The following MCM2 variants were observed in gnomAD, a reference collection of about 807,000 sequenced individuals.
The protein encoded by MCM2 is minichromosome maintenance complex component 2.
A neutral mutation model predicts 86.4 loss-of-function variants in MCM2; 49 were observed. That is an observed-to-expected ratio of 0.57 (90% CI 0.45 to 0.72). MCM2 has a LOEUF of 0.72. Among genes scored for constraint, MCM2 ranks in the 30% least tolerant of loss-of-function variants. The pLI, the probability that MCM2 is intolerant of heterozygous loss-of-function variation, is 0.00. For missense variants in MCM2, 1,038 were observed against 1,259.9 expected, an observed-to-expected ratio of 0.82 and a Z score of 2.67; for synonymous variants, 475 against 484.6, an observed-to-expected ratio of 0.98 and a Z score of 0.26.
Position 127,606,930 on chromosome 3 carries a change from G to C in MCM2, c.1101+113G>C. ...CAGTGTGGGCAGCCGCAAGAAGCAAGATAGAATTGTGTGTTGGCCACACCC... is the reference window on the plus strand; with the variant it reads ...CAGTGTGGGCAGCCGCAAGAAGCAACATAGAATTGTGTGTTGGCCACACCC... On this transcript the variant is annotated intron_variant, in intron 6 of 15. Coordinates refer to ENST00000265056, the MANE Select transcript of MCM2 (RefSeq NM_004526.4). The surrounding 1 kb of genome is among the most constrained non-coding windows in gnomAD (Gnocchi z 4.2). 4 of 1,064,460 alleles carry C rather than the reference G, an allele frequency of 3.8e-6. No homozygotes were observed. The highest frequency in any genetic ancestry group is 5.6e-6 in the Non-Finnish European group (4 of 711,646). 65.9% of individuals were successfully genotyped at this position (1,064,460 alleles called of 1,614,324 possible).
Position 127,620,763 on chromosome 3 carries a change from C to A in MCM2, c.2331C>A (p.His777Gln), listed in dbSNP as rs1164165278. The A allele has an allele frequency of 1.2e-6, 2 of 1,614,014 alleles. No individual in the cohort carries two copies. Among genetic ancestry groups the A allele is most frequent in the South Asian group, 2.2e-5 (2 of 91,044 alleles). Residue 777 changes from histidine (H) to glutamine (Q), a missense_variant, in exon 14 of 16, where the codon CAC (histidine) becomes CAA (glutamine). Coordinates refer to ENST00000265056, the MANE Select transcript of MCM2 (RefSeq NM_004526.4). ...CCATGATCCGCATGGCGGAGGCCCACGCGCGCATCCATCTGCGGGACTATG... is the reference window on the plus strand; with the variant it reads ...CCATGATCCGCATGGCGGAGGCCCAAGCGCGCATCCATCTGCGGGACTATG... Reference protein sequence around the residue: ...IESMIRMAEAHARIHLRDYVI... With the variant: ...IESMIRMAEAQARIHLRDYVI...
Position 127,619,070 on chromosome 3 carries a change from A to T in MCM2, c.2057A>T (p.His686Leu), listed in dbSNP as rs1443012813. The change falls in exon 13 of 16, where the codon CAC (histidine) becomes CTC (leucine). Residue 686 changes from histidine (H) to leucine (L), a missense_variant. By Grantham distance (99) the His-to-Leu change is moderately conservative. Coordinates refer to ENST00000265056, the MANE Select transcript of MCM2 (RefSeq NM_004526.4). ...TTCGTGGTGGGCAGCCACGTCAGAC[A>T]CCACCCCAGCAACAAGGAGGAGGAG... The part of the protein sequence containing the change: ...ARFVVGSHVR[H>L]HPSNKEEEGL... 6.2e-7 allele frequency: 1 copy of T among 1,611,788 alleles called. No individual in the cohort carries two copies.
In MCM2 at chr3:127,617,246, C is replaced by T. The variant is rs1263179854; in HGVS notation, c.1774-33C>T. Reference sequence around the variant, plus strand: ...GGAGACTTAGTAGTAGGGGCGTGAACCATGCTAAGGGTGGGCCATTTTAAT... The same window carrying T: ...GGAGACTTAGTAGTAGGGGCGTGAATCATGCTAAGGGTGGGCCATTTTAAT... On this transcript the variant is annotated intron_variant, in intron 10 of 15. Transcript: ENST00000265056. The surrounding 1 kb of genome is among the most constrained non-coding windows in gnomAD (Gnocchi z 4.1). 6.2e-7 allele frequency: 1 copy of T among 1,613,196 alleles called. No homozygotes were observed. The highest frequency in any genetic ancestry group is 1.3e-5 in the African/African-American group (1 of 74,892).
Position 127,598,462 on chromosome 3 carries a change from CTGCTA to C in MCM2, c.-2_3del. The C allele has an allele frequency of 6.2e-7, 1 of 1,613,342 alleles. No individual in the cohort carries two copies. Among genetic ancestry groups the C allele is most frequent in the African/African-American group, 1.3e-5 (1 of 74,984 alleles). The stretch of plus-strand genomic sequence containing the variant: ...TGTAGTGGCGGAGAGGATCGTGGTA[CTGCTA>C]TGGCGGTGAGCGCGCTGGCGCGTGG... On this transcript the variant is annotated start_lost and 5_prime_UTR_variant, in exon 1 of 16. Coordinates refer to ENST00000265056, the MANE Select transcript of MCM2 (RefSeq NM_004526.4).
At position 127,620,898 on chromosome 3, in the gene MCM2, T is replaced by G; in HGVS notation, c.2448+18T>G. Reference sequence around the variant, plus strand: ...TGCGCAAGGTGGGTGTGCTCCGAGGTAGGGGCCTGATGGGCAAGCTCAGTG... The same window carrying G: ...TGCGCAAGGTGGGTGTGCTCCGAGGGAGGGGCCTGATGGGCAAGCTCAGTG... On this transcript the variant is annotated intron_variant, in intron 14 of 15. Coordinates refer to ENST00000265056, the MANE Select transcript of MCM2 (RefSeq NM_004526.4). The G allele has an allele frequency of 6.3e-7, 1 of 1,589,696 alleles. No individual in the cohort carries two copies. The highest frequency in any genetic ancestry group is 2.2e-5 in the East Asian group (1 of 44,488).
intron 8 of MCM2, among the ~76,000 whole-genome samples, chr3:127,613,681 A>G (rs1248507143): frequency 1.3e-5 from 2 of 152,228 alleles, no homozygotes; most frequent in African/African-American, 4.8e-5. Flanking sequence ...ATTTTAAAAC[A>G]TTGTTACAGA....
At chr3:127,611,859 C>T (rs964662112) in intron 8 of MCM2, among the ~76,000 whole-genome samples, 4 of 148,388 alleles carry the variant, frequency 2.7e-5, no homozygotes, top group Non-Finnish European at 4.4e-5. Context: ...CCACTACGCC[C>T]GGCTAATTTT....
intron 8 of MCM2, among the ~76,000 whole-genome samples, chr3:127,613,264 G>T (rs17497069): frequency 0.014 from 2,173 of 152,324 alleles, 58 homozygotes; most frequent in South Asian, 0.045. Context: ...ACGGGGAAAT[G>T]AGCTGGGTTA....
Position 127,619,185 on chromosome 3 carries a change from C to T in MCM2, c.2172C>T (p.Ile724=). The change falls in exon 13 of 16, where the codon ATC becomes ATT. Residue 724 remains isoleucine (I), a synonymous_variant. Coordinates refer to ENST00000265056, the MANE Select transcript of MCM2 (RefSeq NM_004526.4). ...PLPQEVLKKY[I]IYAKERVHPK... ...CCCAGGAGGTCCTGAAGAAGTACAT[C>T]ATCTACGCCAAGGAGAGGGTCCACC... 6.2e-7 allele frequency: 1 copy of T among 1,614,182 alleles called. No individual in the cohort carries two copies. The highest frequency in any genetic ancestry group is 8.5e-7 in the Non-Finnish European group (1 of 1,180,056).
At chr3:127,605,180 C>G in intron 4 of MCM2, 24 bp downstream of exon 4, 1 of 1,606,020 alleles carries the variant, frequency 6.2e-7, no homozygotes, top group Non-Finnish European at 8.5e-7. Context: ...ACGCCCCCGC[C>G]TCAGCCCCTG....
intron 6 of MCM2, among the ~76,000 whole-genome samples, chr3:127,607,645 G>C (rs2074361448): frequency 6.6e-6 from 1 of 152,232 alleles, no homozygotes; most frequent in Non-Finnish European, 1.5e-5. Context: ...CTAGGGACCT[G>C]AGATAGTACC....
intron 14 of MCM2, 45 bp downstream of exon 14, chr3:127,620,925 A>C (rs1454043841): frequency 5.1e-6 from 8 of 1,575,736 alleles, no homozygotes; most frequent in Non-Finnish European, 6.9e-6. Flanking sequence ...AGCTCAGTGA[A>C]GGAGGCCACA....
rs2074450781 is a variant in MCM2, at chr3:127,618,551, T to C, written c.2013+470T>C. On this transcript the variant is annotated intron_variant, in intron 12 of 15. Coordinates refer to ENST00000265056, the MANE Select transcript of MCM2 (RefSeq NM_004526.4). The surrounding 1 kb of genome is among the most constrained non-coding windows in gnomAD (Gnocchi z 4.0). The stretch of plus-strand genomic sequence containing the variant: ...TGCAGCTACCTCCTCCTCGCTCCCT[T>C]CCCTCACCTGCACCTGCACCTGCCC... 6.6e-6 allele frequency among the ~76,000 whole-genome samples: 1 copy of C among 152,008 alleles called. No homozygotes were observed. Among genetic ancestry groups the C allele is most frequent in the African/African-American group, 2.4e-5 (1 of 41,368 alleles).
At chr3:127,611,559 C>T (rs1226012678) in intron 8 of MCM2, among the ~76,000 whole-genome samples, 3 of 152,130 alleles carry the variant, frequency 2.0e-5, no homozygotes, top group African/African-American at 7.2e-5. Context: ...ACCCCGCTCC[C>T]GTGTCTTGAT....
intron 8 of MCM2, among the ~76,000 whole-genome samples, chr3:127,614,528 T>C (rs2074420090): frequency 6.6e-6 from 1 of 152,250 alleles, no homozygotes; most frequent in East Asian, 1.9e-4. Context: ...GGGTCATTTG[T>C]TCTGTTGAGC....
At position 127,604,940 on chromosome 3, in the gene MCM2, C is replaced by G. The variant is rs767309292; in HGVS notation, c.457C>G (p.Gln153Glu). The G allele has an allele frequency of 1.2e-6, 2 of 1,613,706 alleles. No homozygotes were observed. Among genetic ancestry groups the G allele is most frequent in the Admixed American group, 3.3e-5 (2 of 60,010 alleles). Residue 153 changes from glutamine to glutamate, a missense_variant, in exon 4 of 16, where the codon CAG becomes GAG. Transcript: ENST00000265056. Reference sequence around the variant, plus strand: ...GGAGCGCCCTGCCCGCAAGCGCCGCCAGGTGGAGCGGGCCACGGAGGACGG... The same window carrying G: ...GGAGCGCCCTGCCCGCAAGCGCCGCGAGGTGGAGCGGGCCACGGAGGACGG... Reference protein sequence around the residue: ...DEERPARKRRQVERATEDGEE... With the variant: ...DEERPARKRREVERATEDGEE...
chr3:127,600,463 G>T (rs142613832), intron 2 of MCM2, among the ~76,000 whole-genome samples: 2 of 152,166 alleles, frequency 1.3e-5, no homozygotes, highest in Non-Finnish European at 2.9e-5. Flanking sequence ...TGCTCCTTTT[G>T]TGCCTTTTCA....
At position 127,610,674 on chromosome 3, in the gene MCM2, C is replaced by T. The variant is rs945404001; in HGVS notation, c.1428+1651C>T. ...TCGGTTCCTTTTCTCAAGTGTATTG[C>T]GTGTCTTTGCATCCACCGTGAGAAG... On this transcript the variant is annotated intron_variant, in intron 8 of 15. Coordinates refer to ENST00000265056, the MANE Select transcript of MCM2 (RefSeq NM_004526.4). 18 of 416,876 alleles carry T rather than the reference C, an allele frequency of 4.3e-5. No individual in the cohort carries two copies. The East Asian group carries it at 5.7e-4, about 13-fold the overall frequency. The allele number at this position is 416,876 out of a possible 1,614,324, so 25.8% of individuals were successfully genotyped here.
chr3:127,608,279 C>T, intron 6 of MCM2, 103 bp from the exon 7 acceptor site: 2 of 1,452,224 alleles, frequency 1.4e-6, no homozygotes, highest in Non-Finnish European at 1.9e-6. Context: ...CTCCATTTGC[C>T]ACTCAGGAGT....
Sources: gnomAD v4.1 joint callset for allele counts (sites outside exome capture counted in the v4.1 genomes callset) on GRCh38, gnomAD v4.1.1 for gene constraint, Gnocchi (gnomAD v3.1) non-coding constraint, MANE v1.5 for transcripts, NCBI Gene and HGNC (gene_info 2026-07-23, HGNC 2026-07-21) for gene names.